SYNJ2: variants seen among roughly 807,000 people sequenced by gnomAD.
The protein encoded by SYNJ2 is synaptojanin 2.
SYNJ2 carries 116 observed loss-of-function variants against 141.3 expected under a neutral mutation model. That is an observed-to-expected ratio of 0.82 (90% confidence interval 0.71 to 0.96). The LOEUF is 0.96. Ranked by LOEUF, SYNJ2 falls within the 40% of genes least tolerant of loss-of-function variation. The probability of loss-of-function intolerance (pLI) is 0.00; values close to 1 mark genes in which losing one functional copy is unlikely to be tolerated. For missense variants in SYNJ2, 1,873 were observed against 1,934.8 expected, an observed-to-expected ratio of 0.97 and a Z score of 0.60; for synonymous variants, 745 against 777.7, an observed-to-expected ratio of 0.96 and a Z score of 0.70.
chr6:158,007,432 C>CCT (rs1342622491), intron 1 of SYNJ2, among the ~76,000 whole-genome samples: 1 of 152,222 alleles, frequency 6.6e-6, no homozygotes, highest in Admixed American at 6.5e-5. Context: ...CCAGACCTGT[C>CCT]CTCTCACTCT....
At chr6:157,991,562 A>G (rs1040605108) in intron 1 of SYNJ2, among the ~76,000 whole-genome samples, 14 of 152,198 alleles carry the variant, frequency 9.2e-5, no homozygotes, top group African/African-American at 2.9e-4. Context: ...TAATCTGAAA[A>G]CAAATGAATG....
chr6:158,095,851 G>T lies in SYNJ2; in HGVS notation c.3978G>T (p.Pro1326=). ...CTGTGCCACCACCTCTGGAGGCGCC[G>T]CCTCTTGTGCCCAAGGTACCCCCGA... ...GASVPPPLEA[P]PLVPKVPPRR... The change falls in exon 27 of 27, where the codon CCG becomes CCT. Residue 1326 remains proline (P), a synonymous_variant. Transcript: ENST00000355585. The T allele has an allele frequency of 6.2e-7, 1 of 1,614,046 alleles. No individual in the cohort carries two copies. Among genetic ancestry groups the T allele is most frequent in the Non-Finnish European group, 8.5e-7 (1 of 1,179,972 alleles).
Position 158,064,899 on chromosome 6 carries a change from A to G in SYNJ2, c.1433A>G (p.Gln478Arg). ...TCCAACTTCTTCGACGGGGTGAAGC[A>G]GGAGGCCATCAAGCTGCTGCTGGTT... ...IQSNFFDGVK[Q>R]EAIKLLLVGD... The change falls in exon 11 of 27, where the codon CAG (glutamine) becomes CGG (arginine). Residue 478 changes from glutamine to arginine, a missense_variant. Coordinates refer to ENST00000355585, the MANE Select transcript of SYNJ2 (RefSeq NM_003898.4). The G allele has an allele frequency of 1.2e-6, 2 of 1,613,818 alleles. No individual in the cohort carries two copies. Among genetic ancestry groups the G allele is most frequent in the Non-Finnish European group, 1.7e-6 (2 of 1,179,884 alleles).
At chr6:158,018,442 T>C (rs1310631233) in intron 2 of SYNJ2, among the ~76,000 whole-genome samples, 1 of 152,198 alleles carries the variant, frequency 6.6e-6, no homozygotes, top group East Asian at 1.9e-4. Flanking sequence ...AATTCGGGCT[T>C]TCCCTGAGCC....
At chr6:157,990,030 G>A (rs1003677470) in intron 1 of SYNJ2, among the ~76,000 whole-genome samples, 2 of 152,216 alleles carry the variant, frequency 1.3e-5, no homozygotes, top group East Asian at 3.9e-4. Flanking sequence ...TAGATGCCCC[G>A]GCCAGGTCCT....
rs1779898321 is a variant in SYNJ2 at position 158,040,700 on chromosome 6, G to C, written c.712-2616G>C. ...CAGAAGGTCAGCAGAAAGCCTTTCA[G>C]ATAGAAGGTATATGTACCCCTGTGA... On this transcript the variant is annotated intron_variant, in intron 4 of 26. Transcript: ENST00000355585. This position sits in a 1 kb window ranked among gnomAD's most constrained non-coding sequence, Gnocchi z 4.2. Among the ~76,000 whole-genome samples, 1 of 152,190 alleles carries C rather than the reference G, an allele frequency of 6.6e-6. No individual in the cohort carries two copies. The highest frequency in any genetic ancestry group is 2.1e-4 in the South Asian group (1 of 4,826).
intron 1 of SYNJ2, among the ~76,000 whole-genome samples, chr6:157,989,009 ATTCT>A (rs1434014202): frequency 3.3e-5 from 5 of 152,172 alleles, no homozygotes; most frequent in East Asian, 3.9e-4. Context: ...AATGTAAGTC[ATTCT>A]TTCTTTCTGG....
rs1783792184 is a variant in SYNJ2 at position 158,096,206 on chromosome 6, A to G, written c.4333A>G (p.Lys1445Glu). The change falls in exon 27 of 27, where the codon AAA becomes GAA. Residue 1445 changes from lysine to glutamate, a missense_variant. Physicochemically the swap from Lys to Glu is moderately conservative, Grantham distance 56 (BLOSUM62 1). Coordinates refer to ENST00000355585, the MANE Select transcript of SYNJ2 (RefSeq NM_003898.4). Reference sequence around the variant, plus strand: ...TTTGGACTCAGGAACCAGGAGCCCCAAAAGAGATCCCATAGACCCAGTGTC... The same window carrying G: ...TTTGGACTCAGGAACCAGGAGCCCCGAAAGAGATCCCATAGACCCAGTGTC... ...DPLDSGTRSP[K>E]RDPIDPVSAG... 2 of 1,614,260 alleles carry G rather than the reference A, an allele frequency of 1.2e-6. No individual in the cohort carries two copies. Among genetic ancestry groups the G allele is most frequent in the Admixed American group, 1.7e-5 (1 of 60,030 alleles).
At chr6:158,046,602 C>T (rs529415891) in intron 5 of SYNJ2, among the ~76,000 whole-genome samples, 19 of 152,232 alleles carry the variant, frequency 1.2e-4, no homozygotes, top group African/African-American at 4.6e-4. Context: ...GTTGGAAACC[C>T]AGGAGCCCAG....
chr6:158,052,022 A>G (rs922689519), intron 5 of SYNJ2, among the ~76,000 whole-genome samples: 3 of 152,156 alleles, frequency 2.0e-5, no homozygotes, highest in African/African-American at 7.2e-5. Flanking sequence ...AGGAATCTCT[A>G]AATCTATTGC....
At chr6:158,003,156 A>T (rs1308667604) in intron 1 of SYNJ2, among the ~76,000 whole-genome samples, 1 of 152,168 alleles carries the variant, frequency 6.6e-6, no homozygotes, top group Admixed American at 6.5e-5. Flanking sequence ...GGTGGGAGGT[A>T]GTGCATTTGC....
At position 158,017,272 on chromosome 6, in the gene SYNJ2, G is replaced by T; in HGVS notation, c.196G>T (p.Glu66Ter). ...CACGGACGCGTACGGCTGCCTGGGG[G>T]AGCTGAGGCTGAAATCTGGTGAGTA... ...KLTDAYGCLG[E>*]LRLKSGGTSL... Residue 66 changes from glutamate to a stop codon, truncating the protein, a stop_gained, in exon 2 of 27, where the codon GAG (glutamate) becomes TAG (stop). Transcript: ENST00000355585. LOFTEE classifies it high-confidence loss of function. The T allele has an allele frequency of 6.2e-7, 1 of 1,613,684 alleles. No individual in the cohort carries two copies. The highest frequency in any genetic ancestry group is 8.5e-7 in the Non-Finnish European group (1 of 1,179,906).
chr6:157,988,853 C>T (rs1025263424), intron 1 of SYNJ2, among the ~76,000 whole-genome samples: 18 of 152,112 alleles, frequency 1.2e-4, no homozygotes, highest in Non-Finnish European at 1.0e-4. Flanking sequence ...CCCAGAGCTG[C>T]GGTGCCATCA....
chr6:158,019,992 C>T (rs1430705114), intron 2 of SYNJ2, among the ~76,000 whole-genome samples: 2 of 151,924 alleles, frequency 1.3e-5, no homozygotes, highest in Non-Finnish European at 2.9e-5. Flanking sequence ...AGCTGTTGAG[C>T]ATGTTGGGCA....
At chr6:157,981,630 C>A (rs1339713284), upstream of SYNJ2, among the ~76,000 whole-genome samples, 1 of 151,930 alleles carries the variant, frequency 6.6e-6, no homozygotes, top group African/African-American at 2.4e-5. This position sits in a 1 kb window ranked among gnomAD's most constrained non-coding sequence, Gnocchi z 6.4. Context: ...TCCTCCGCAG[C>A]GAGGAATGCG....
chr6:158,038,797 G>A (rs1180902388), intron 4 of SYNJ2, among the ~76,000 whole-genome samples: 1 of 152,238 alleles, frequency 6.6e-6, no homozygotes, highest in Non-Finnish European at 1.5e-5. Flanking sequence ...TCCGATAGGT[G>A]GTGTTCGGCT....
chr6:158,082,208 G>A (rs1052912902), intron 20 of SYNJ2, among the ~76,000 whole-genome samples: 3 of 151,934 alleles, frequency 2.0e-5, no homozygotes, highest in Non-Finnish European at 4.4e-5. Context: ...TTAGCCAGGC[G>A]CTGGGTGTGG....
At chr6:158,065,037 C>T (rs922958373) in intron 11 of SYNJ2, 46 bp downstream of exon 11, 1 of 1,474,196 alleles carries the variant, frequency 6.8e-7, no homozygotes, top group East Asian at 2.5e-5. Flanking sequence ...TAGGGTGCTC[C>T]CCAGCCCCAC....
chr6:158,049,287 G>T (rs1301258090), intron 5 of SYNJ2, among the ~76,000 whole-genome samples: 1 of 152,146 alleles, frequency 6.6e-6, no homozygotes, highest in African/African-American at 2.4e-5. Context: ...CAGTGACAGT[G>T]GTGGACCCTG....
Sources: gnomAD v4.1 joint callset for allele counts (sites outside exome capture counted in the v4.1 genomes callset) on GRCh38, gnomAD v4.1.1 for gene constraint, Gnocchi (gnomAD v3.1) non-coding constraint, MANE v1.5 for transcripts, NCBI Gene and HGNC (gene_info 2026-07-23, HGNC 2026-07-21) for gene names.